The following SPATS2 variants were observed in gnomAD, a reference collection of about 807,000 sequenced individuals.
SPATS2 encodes the protein spermatogenesis-associated serine-rich protein 2.
SPATS2 carries 38 observed loss-of-function variants against 63.7 expected under a neutral mutation model. The ratio of observed to expected loss-of-function variants is 0.60; its 90% confidence interval spans 0.46 to 0.78. The LOEUF (loss-of-function observed/expected upper bound fraction) is 0.78, where lower values mean the gene tolerates loss of function less well. Ranked by LOEUF, SPATS2 falls within the 30% of genes least tolerant of loss-of-function variation. The pLI is 0.00. For synonymous variants in SPATS2, 207 were observed against 232.9 expected (o/e 0.89, Z 1.01); for missense variants, 588 against 666.2 (o/e 0.88, Z 1.29).
intron 2 of SPATS2, among the ~76,000 whole-genome samples, chr12:49,456,350 G>A (rs1945719227): frequency 6.6e-6 from 1 of 152,184 alleles, no homozygotes; most frequent in Admixed American, 6.6e-5. Context: ...CCTGGCAGAG[G>A]GAACACCTTC....
chr12:49,376,696 C>T (rs896521493), intron 2 of SPATS2, among the ~76,000 whole-genome samples: 16 of 149,084 alleles, frequency 1.1e-4, no homozygotes, highest in Non-Finnish European at 1.5e-4. Context: ...TGTACCTGGC[C>T]GGTGTTTTGT....
intron 3 of SPATS2, among the ~76,000 whole-genome samples, chr12:49,467,447 A>G (rs559355391): frequency 6.6e-6 from 1 of 152,060 alleles, no homozygotes; most frequent in South Asian, 2.1e-4. Flanking sequence ...GAGTAATTCA[A>G]GGTTGGAAGT....
At chr12:49,484,765 A>ATG in intron 4 of SPATS2, 96 bp downstream of exon 4, 1 of 1,027,576 alleles carries the variant, frequency 9.7e-7, no homozygotes, top group Non-Finnish European at 1.5e-6. Flanking sequence ...TATGAGACTG[A>ATG]AATTTTAAGA....
chr12:49,406,828 G>A (rs928571730), intron 2 of SPATS2, among the ~76,000 whole-genome samples: 12 of 152,008 alleles, frequency 7.9e-5, no homozygotes, highest in African/African-American at 1.9e-4. Flanking sequence ...TGAAGTGAAA[G>A]TGAGGCGTTC....
At chr12:49,519,218 T>C (rs1565762432) in intron 11 of SPATS2, 36 bp downstream of exon 11, 4 of 1,540,430 alleles carry the variant, frequency 2.6e-6, no homozygotes, top group Non-Finnish European at 3.6e-6. Flanking sequence ...TTTCTTCTTA[T>C]CCTCAGGGGC....
intron 2 of SPATS2, among the ~76,000 whole-genome samples, chr12:49,449,302 G>A (rs369308874): frequency 4.6e-4 from 70 of 152,262 alleles, no homozygotes; most frequent in African/African-American, 1.5e-3. Flanking sequence ...TGCAACCTCC[G>A]CCTCACGGGT....
At chr12:49,509,273 C>CTTTTTTTT (rs1186617900) in intron 9 of SPATS2, among the ~76,000 whole-genome samples, 7 of 77,808 alleles carry the variant, frequency 9.0e-5, no homozygotes, top group African/African-American at 1.9e-4. Flanking sequence ...GTTCTAACTT[C>CTTTTTTTT]TTTTTTTTTT....
chr12:49,469,778 CT>C (rs1946002459), intron 3 of SPATS2, among the ~76,000 whole-genome samples: 1 of 151,412 alleles, frequency 6.6e-6, no homozygotes, highest in South Asian at 2.1e-4. Flanking sequence ...ATCCCAGCTG[CT>C]TGGGAGACTG....
chr12:49,369,241 C>T lies in SPATS2; in HGVS notation c.-307+1654C>T, dbSNP rs1439883668. On this transcript the variant is annotated intron_variant, in intron 1 of 13. Transcript: ENST00000552918. ...CGGGGGTTTCACCATCTTGGCCAGG[C>T]TGGTCTCGAACTCTTGACCTCTTGA... is the stretch of plus-strand genomic sequence containing the variant. Among the ~76,000 whole-genome samples, 8 of 152,050 alleles carry T rather than the reference C, an allele frequency of 5.3e-5. No homozygotes were observed. The East Asian group carries it at 1.6e-3, about 29-fold the overall frequency.
chr12:49,409,764 G>A (rs1402871452), intron 2 of SPATS2, among the ~76,000 whole-genome samples: 4 of 151,556 alleles, frequency 2.6e-5, no homozygotes, highest in Non-Finnish European at 4.4e-5. Context: ...CATGACACCC[G>A]GCTAATTTTT....
chr12:49,372,640 G>A (rs1247825116), intron 2 of SPATS2, among the ~76,000 whole-genome samples: 1 of 151,696 alleles, frequency 6.6e-6, no homozygotes, highest in East Asian at 1.9e-4. Context: ...TGAAATTTAG[G>A]GTACTTTTTT....
intron 2 of SPATS2, among the ~76,000 whole-genome samples, chr12:49,459,217 A>G (rs1945774559): frequency 6.6e-6 from 1 of 152,154 alleles, no homozygotes; most frequent in African/African-American, 2.4e-5. Flanking sequence ...ACCCCATAGT[A>G]CTCAACCAGT....
intron 2 of SPATS2, among the ~76,000 whole-genome samples, chr12:49,412,444 G>C (rs574849935): frequency 6.6e-6 from 1 of 152,096 alleles, no homozygotes; most frequent in East Asian, 1.9e-4. Flanking sequence ...TCGGGTGATC[G>C]GCCTGCCTTG....
intron 2 of SPATS2, chr12:49,389,775 C>T (rs1247453814): frequency 1.6e-6 from 2 of 1,242,302 alleles, no homozygotes; most frequent in Non-Finnish European, 2.4e-6. Flanking sequence ...AAAAGAATTG[C>T]GTACATCCCT....
At chr12:49,479,356 C>T (rs1946169466) in intron 3 of SPATS2, among the ~76,000 whole-genome samples, 1 of 152,220 alleles carries the variant, frequency 6.6e-6, no homozygotes, top group Non-Finnish European at 1.5e-5. Context: ...CCATTCATAG[C>T]ACCCTGGCTC....
At chr12:49,480,298 A>G (rs1946184508) in intron 3 of SPATS2, among the ~76,000 whole-genome samples, 2 of 152,196 alleles carry the variant, frequency 1.3e-5, no homozygotes, top group Non-Finnish European at 2.9e-5. Flanking sequence ...AGTACCTCTA[A>G]GAGCCTTACT....
chr12:49,398,957 T>C lies in SPATS2; in HGVS notation c.-244+27667T>C, dbSNP rs559700406. ...CTGACAATTTTGACTTTTTCTCTCT[T>C]AGGCTGTTTTAGCATGCTTTGTCTC... On this transcript the variant is annotated intron_variant, in intron 2 of 13. Transcript: ENST00000552918. 2.7e-4 allele frequency among the ~76,000 whole-genome samples: 41 copies of C among 152,306 alleles called. No homozygotes were observed. The East Asian group carries it at 3.3e-3, about 12-fold the overall frequency.
intron 2 of SPATS2, among the ~76,000 whole-genome samples, chr12:49,456,208 A>G (rs1945716387): frequency 6.6e-6 from 1 of 152,212 alleles, no homozygotes; most frequent in Non-Finnish European, 1.5e-5. Flanking sequence ...GGGAGCAGCC[A>G]TAGACTGCCA....
chr12:49,379,212 G>T, intron 2 of SPATS2, among the ~76,000 whole-genome samples: 1 of 151,546 alleles, frequency 6.6e-6, no homozygotes, highest in East Asian at 2.0e-4. Flanking sequence ...GAGCCACTGC[G>T]CCTGGCCCCA....
Sources: gnomAD v4.1 joint callset for allele counts (sites outside exome capture counted in the v4.1 genomes callset) on GRCh38, gnomAD v4.1.1 for gene constraint, MANE v1.5 for transcripts, NCBI Gene and HGNC (gene_info 2026-07-23, HGNC 2026-07-21) for gene names.